Variants in ASCC3 observed in about 807,000 individuals in gnomAD.
ASCC3 encodes the protein ASC-1 complex subunit P200.
ASCC3 carries 158 observed loss-of-function variants against 256.3 expected under a neutral mutation model. The observed-to-expected ratio is 0.62, with a 90% CI of 0.54 to 0.70. ASCC3 has a LOEUF of 0.70. Among genes scored for constraint, ASCC3 ranks in the 30% least tolerant of loss-of-function variants. The pLI is 0.00. For missense variants in ASCC3, 2,259 were observed against 2,626.0 expected (o/e 0.86, Z 3.05); for synonymous variants, 948 against 883.4 (o/e 1.07, Z -1.30).
At chr6:100,702,577 A>G (rs1778403087) in intron 13 of ASCC3, among the ~76,000 whole-genome samples, 2 of 152,144 alleles carry the variant, frequency 1.3e-5, no homozygotes, top group Admixed American at 6.6e-5. Context: ...ATAAAACCAC[A>G]AGAAAGAGAG....
chr6:100,604,168 G>T (rs1417096826), intron 33 of ASCC3, among the ~76,000 whole-genome samples: 2 of 151,916 alleles, frequency 1.3e-5, no homozygotes, highest in African/African-American at 4.8e-5. Context: ...ATTTTTAAAA[G>T]AAATTTTACT....
At chr6:100,835,720 C>T (rs1414905328) in intron 4 of ASCC3, among the ~76,000 whole-genome samples, 2 of 152,032 alleles carry the variant, frequency 1.3e-5, no homozygotes, top group Non-Finnish European at 2.9e-5. Context: ...CTCAAGATTA[C>T]TTTGGCTATC....
intron 30 of ASCC3, among the ~76,000 whole-genome samples, chr6:100,618,413 G>A (rs1046697129): frequency 1.3e-5 from 2 of 152,148 alleles, no homozygotes; most frequent in Non-Finnish European, 2.9e-5. Context: ...TGTATTTCAC[G>A]AAGATTCGTG....
intron 34 of ASCC3, among the ~76,000 whole-genome samples, chr6:100,592,718 A>G (rs1772067735): frequency 6.6e-6 from 1 of 152,102 alleles, no homozygotes; most frequent in African/African-American, 2.4e-5. Flanking sequence ...ATAAGCATTT[A>G]GCTTAAAACA....
intron 30 of ASCC3, among the ~76,000 whole-genome samples, chr6:100,617,563 C>T (rs1027896761): frequency 1.1e-4 from 17 of 152,080 alleles, no homozygotes. Context: ...CACCTCCTTG[C>T]CCCCCTCATT....
chr6:100,593,024 T>C (rs753809453), intron 34 of ASCC3, among the ~76,000 whole-genome samples: 3 of 152,132 alleles, frequency 2.0e-5, no homozygotes, highest in African/African-American at 7.2e-5. Context: ...TTCACAATAA[T>C]TGACTTGTCA....
intron 13 of ASCC3, among the ~76,000 whole-genome samples, chr6:100,681,963 A>T (rs1040572521): frequency 6.6e-6 from 1 of 152,110 alleles, no homozygotes; most frequent in African/African-American, 2.4e-5. Flanking sequence ...ATGACTGATA[A>T]ACACTATTTA....
intron 4 of ASCC3, among the ~76,000 whole-genome samples, chr6:100,838,329 T>C (rs182396205): frequency 6.6e-6 from 1 of 152,132 alleles, no homozygotes; most frequent in Admixed American, 6.5e-5. Flanking sequence ...GATCTGAATA[T>C]GGATAATTAT....
chr6:100,563,134 T>C (rs1770042731), intron 36 of ASCC3, among the ~76,000 whole-genome samples: 2 of 152,090 alleles, frequency 1.3e-5, no homozygotes, highest in African/African-American at 4.8e-5. Context: ...TAATATTACC[T>C]TTTTACCTTT....
At chr6:100,769,256 TGA>T (rs375868576) in intron 8 of ASCC3, among the ~76,000 whole-genome samples, 24 of 152,138 alleles carry the variant, frequency 1.6e-4, no homozygotes, top group African/African-American at 5.1e-4. Context: ...GGTTGGTCAA[TGA>T]GTTCAAAGTT....
At chr6:100,776,867 A>C (rs1275791843) in intron 8 of ASCC3, among the ~76,000 whole-genome samples, 2 of 152,074 alleles carry the variant, frequency 1.3e-5, no homozygotes, top group African/African-American at 2.4e-5. Flanking sequence ...ATAGACATTA[A>C]AATTTCAGCA....
At chr6:100,638,063 C>T (rs1347958655) in intron 25 of ASCC3, among the ~76,000 whole-genome samples, 1 of 152,032 alleles carries the variant, frequency 6.6e-6, no homozygotes, top group African/African-American at 2.4e-5. Flanking sequence ...TCACATGCTA[C>T]AGAAAAATTT....
chr6:100,832,458 C>T (rs1169566194), intron 4 of ASCC3, among the ~76,000 whole-genome samples: 3 of 151,984 alleles, frequency 2.0e-5, no homozygotes, highest in African/African-American at 7.2e-5. Context: ...TAATGAAGTA[C>T]TGTAGTAAGA....
intron 37 of ASCC3, among the ~76,000 whole-genome samples, chr6:100,532,524 T>C (rs536439917): frequency 1.3e-5 from 2 of 151,582 alleles, no homozygotes; most frequent in Admixed American, 6.6e-5. Flanking sequence ...TTCTTAAACA[T>C]TGCCGTAAGG....
At chr6:100,551,859 G>C (rs978366564) in intron 36 of ASCC3, among the ~76,000 whole-genome samples, 1 of 151,946 alleles carries the variant, frequency 6.6e-6, no homozygotes, top group Non-Finnish European at 1.5e-5. Context: ...GGAATCCAAA[G>C]AATGTGGTAG....
At chr6:100,776,820 G>A (rs772777287) in intron 8 of ASCC3, among the ~76,000 whole-genome samples, 1 of 151,740 alleles carries the variant, frequency 6.6e-6, no homozygotes, top group Non-Finnish European at 1.5e-5. Flanking sequence ...CCAAACTAGT[G>A]TAAATATCAT....
chr6:100,717,785 C>T (rs1160836818), intron 12 of ASCC3, among the ~76,000 whole-genome samples: 2 of 151,924 alleles, frequency 1.3e-5, no homozygotes, highest in South Asian at 4.1e-4. Flanking sequence ...GTCAAAATAA[C>T]GTAAAACTTT....
intron 8 of ASCC3, 47 bp from the exon 9 acceptor site, chr6:100,767,392 G>A: frequency 1.3e-6 from 2 of 1,539,242 alleles, no homozygotes; most frequent in Non-Finnish European, 1.8e-6. Flanking sequence ...CAATGTGAAG[G>A]ACCCATACAA....
chr6:100,512,579 C>T, intron 40 of ASCC3, 130 bp downstream of exon 40: 1 of 971,214 alleles, frequency 1.0e-6, no homozygotes, highest in Non-Finnish European at 1.6e-6. Context: ...CTAACTCTCG[C>T]TGCTTAAGAC....
Sources: gnomAD v4.1 joint callset for allele counts (sites outside exome capture counted in the v4.1 genomes callset) on GRCh38, gnomAD v4.1.1 for gene constraint, MANE v1.5 for transcripts, NCBI Gene and HGNC (gene_info 2026-07-23, HGNC 2026-07-21) for gene names.